MAGI2: variants seen among roughly 807,000 people sequenced by gnomAD.
The protein encoded by MAGI2 is membrane associated guanylate kinase, WW and PDZ domain containing 2.
In MAGI2, 35 loss-of-function variants were observed where a neutral mutation model predicts 133.3. The ratio of observed to expected loss-of-function variants is 0.26; its 90% confidence interval spans 0.20 to 0.35. MAGI2 has a LOEUF of 0.35. Among genes scored for constraint, MAGI2 ranks in the 10% least tolerant of loss-of-function variants. The pLI is 1.00. For synonymous variants in MAGI2, 729 were observed against 710.6 expected (o/e 1.03, Z -0.41); for missense variants, 1,636 against 1,863.4 (o/e 0.88, Z 2.25).
At chr7:79,137,003 G>T (rs891205057) in intron 1 of MAGI2, among the ~76,000 whole-genome samples, 13 of 150,156 alleles carry the variant, frequency 8.7e-5, no homozygotes, top group African/African-American at 3.2e-4. Flanking sequence ...TTTTTTTTTT[G>T]AGATGGAGTT....
intron 2 of MAGI2, among the ~76,000 whole-genome samples, chr7:78,980,694 T>C (rs1207285146): frequency 6.6e-6 from 1 of 151,924 alleles, no homozygotes; most frequent in African/African-American, 2.4e-5. Flanking sequence ...CTTAGTCCAT[T>C]ATCATTTCTT....
At chr7:78,206,171 A>C (rs1829708864) in intron 10 of MAGI2, among the ~76,000 whole-genome samples, 1 of 152,180 alleles carries the variant, frequency 6.6e-6, no homozygotes, top group Non-Finnish European at 1.5e-5. Context: ...AAGATTATGA[A>C]CTTTCTTAAA....
At chr7:79,101,443 G>A (rs1167667723) in intron 1 of MAGI2, among the ~76,000 whole-genome samples, 2 of 152,084 alleles carry the variant, frequency 1.3e-5, no homozygotes, top group African/African-American at 4.8e-5. Context: ...AGGAAAATGG[G>A]GCCGGGCGCA....
rs1163508521 is a variant in MAGI2, at chr7:79,261,658, C to T, written c.301+191362G>A. Reference sequence around the variant, plus strand: ...CTCTATTCCCCTCCATTGCTTTATTCCTACCCTTAGCCTCACATTGTCTAG... The same window carrying T: ...CTCTATTCCCCTCCATTGCTTTATTTCTACCCTTAGCCTCACATTGTCTAG... On this transcript the variant is annotated intron_variant, in intron 1 of 21. Coordinates refer to ENST00000354212, the MANE Select transcript of MAGI2 (RefSeq NM_012301.4). Among the ~76,000 whole-genome samples, 5 of 152,236 alleles carry T rather than the reference C, an allele frequency of 3.3e-5. 1 individual carries two copies. The highest frequency in any genetic ancestry group is 1.2e-4 in the African/African-American group (5 of 41,544).
At chr7:78,465,664 A>C (rs1386332756) in intron 6 of MAGI2, among the ~76,000 whole-genome samples, 2 of 152,212 alleles carry the variant, frequency 1.3e-5, no homozygotes, top group Non-Finnish European at 2.9e-5. Flanking sequence ...AAGAAATGGA[A>C]TAACTCTATG....
At position 78,157,680 on chromosome 7, in the gene MAGI2, T is replaced by C. The variant is rs760658421; in HGVS notation, c.2845+2345A>G. On this transcript the variant is annotated intron_variant, in intron 16 of 21. Coordinates refer to ENST00000354212, the MANE Select transcript of MAGI2 (RefSeq NM_012301.4). The stretch of plus-strand genomic sequence containing the variant: ...TTAGGTATTCTGCCCCAATAAACAA[T>C]TGGAAAGACTGGAATGGCTGCAAAA... Among the ~76,000 whole-genome samples, 52 of 152,306 alleles carry C rather than the reference T, an allele frequency of 3.4e-4. No individual in the cohort carries two copies. In the Middle Eastern group the frequency reaches 0.014, roughly 40 times the overall value.
chr7:79,161,879 A>G (rs754017055), intron 1 of MAGI2, among the ~76,000 whole-genome samples: 6 of 152,124 alleles, frequency 3.9e-5, no homozygotes, highest in Non-Finnish European at 7.4e-5. Context: ...TGGTTATTTT[A>G]TCGAGGCTTA....
chr7:78,912,708 C>T (rs1312587879), intron 2 of MAGI2, among the ~76,000 whole-genome samples: 1 of 146,096 alleles, frequency 6.8e-6, no homozygotes, highest in Non-Finnish European at 1.5e-5. Flanking sequence ...ACTTAATAAA[C>T]TCCCCTTTAT....
chr7:78,120,248 A>G (rs902392089), intron 20 of MAGI2, among the ~76,000 whole-genome samples: 2 of 151,794 alleles, frequency 1.3e-5, no homozygotes, highest in Admixed American at 6.6e-5. Context: ...TAAAAATACA[A>G]AAAAATTAGC....
chr7:78,576,549 G>A (rs1428008576), intron 3 of MAGI2, among the ~76,000 whole-genome samples: 4 of 147,482 alleles, frequency 2.7e-5, no homozygotes, highest in African/African-American at 9.7e-5. Context: ...ACTTAGAAAG[G>A]TCACATTCTG....
At chr7:78,573,662 G>C (rs1801968367) in intron 3 of MAGI2, among the ~76,000 whole-genome samples, 1 of 150,874 alleles carries the variant, frequency 6.6e-6, no homozygotes, top group East Asian at 2.0e-4. Context: ...TCCAGTATTT[G>C]GTAATCCTTA....
chr7:79,129,021 C>A (rs765355408), intron 1 of MAGI2, among the ~76,000 whole-genome samples: 1 of 152,100 alleles, frequency 6.6e-6, no homozygotes, highest in Non-Finnish European at 1.5e-5. Context: ...CAGGCAGGCA[C>A]CACCACGCTC....
intron 1 of MAGI2, among the ~76,000 whole-genome samples, chr7:79,317,008 TTTTTC>T: frequency 6.8e-6 from 1 of 147,596 alleles, no homozygotes; most frequent in Non-Finnish European, 1.5e-5. Context: ...AGGGTTTTTT[TTTTTC>T]TTTTTCTTTT....
chr7:78,712,206 T>C (rs1819263421), intron 2 of MAGI2, among the ~76,000 whole-genome samples: 1 of 152,192 alleles, frequency 6.6e-6, no homozygotes, highest in Non-Finnish European at 1.5e-5. Context: ...CTACTTACAG[T>C]AAATCATTTA....
At chr7:79,315,773 A>G (rs1246733218) in intron 1 of MAGI2, among the ~76,000 whole-genome samples, 1 of 152,136 alleles carries the variant, frequency 6.6e-6, no homozygotes, top group African/African-American at 2.4e-5. Context: ...TGAAAAGAGG[A>G]GGCAGGAATG....
At chr7:78,083,387 G>GGGGAGAGA (rs1816229903) in intron 20 of MAGI2, among the ~76,000 whole-genome samples, 1 of 33,300 alleles carries the variant, frequency 3.0e-5, no homozygotes. Context: ...AGGGAGGGGG[G>GGGGAGAGA]GAGAGAGAGA....
intron 2 of MAGI2, among the ~76,000 whole-genome samples, chr7:78,987,313 A>G (rs1805360367): frequency 6.6e-6 from 1 of 152,112 alleles, no homozygotes; most frequent in Non-Finnish European, 1.5e-5. Flanking sequence ...CTTTCAGGAA[A>G]GAGCATCTGC....
At chr7:78,794,830 G>A (rs2214557) in intron 2 of MAGI2, among the ~76,000 whole-genome samples, 70,098 of 151,882 alleles carry the variant, frequency 0.46, 16,985 homozygotes, top group South Asian at 0.56. Context: ...TTGGCTACAC[G>A]CATAACCAAG....
intron 2 of MAGI2, among the ~76,000 whole-genome samples, chr7:78,965,630 T>C (rs992462095): frequency 6.6e-6 from 1 of 152,004 alleles, no homozygotes; most frequent in African/African-American, 2.4e-5. Context: ...CTTCTTTCAG[T>C]TTACCAGAAT....
Sources: gnomAD v4.1 joint callset for allele counts (sites outside exome capture counted in the v4.1 genomes callset) on GRCh38, gnomAD v4.1.1 for gene constraint, MANE v1.5 for transcripts, NCBI Gene and HGNC (gene_info 2026-07-23, HGNC 2026-07-21) for gene names.